The following GCA variants were observed in gnomAD, a reference collection of about 807,000 sequenced individuals.
The protein encoded by GCA is grancalcin.
GCA carries 30 observed loss-of-function variants against 32.6 expected under a neutral mutation model. That is an observed-to-expected ratio of 0.92 (90% CI 0.69 to 1.25). The LOEUF is 1.25. Among genes scored for constraint, GCA ranks in the 50% most tolerant of loss-of-function variants. GCA has a pLI of 0.00. For synonymous variants in GCA, 102 were observed against 84.6 expected, an observed-to-expected ratio of 1.21 and a Z score of -1.13; for missense variants, 291 against 266.8, an observed-to-expected ratio of 1.09 and a Z score of -0.63.
chr2:162,336,801 G>A (rs1284290190), intron 1 of GCA, among the ~76,000 whole-genome samples: 1 of 152,158 alleles, frequency 6.6e-6, no homozygotes, highest in African/African-American at 2.4e-5. Flanking sequence ...TTCATGGGTT[G>A]AAACTCTAAT....
chr2:162,342,855 A>G (rs1684496139), upstream of GCA, among the ~76,000 whole-genome samples: 1 of 152,224 alleles, frequency 6.6e-6, no homozygotes, highest in Non-Finnish European at 1.5e-5. Flanking sequence ...ATCATTTGAT[A>G]CCTTCATAAG....
In GCA at chr2:162,360,391, T is replaced by C. The variant is rs763315947; in HGVS notation, c.*148T>C. 21 of 1,341,466 alleles carry C rather than the reference T, an allele frequency of 1.6e-5. No homozygotes were observed. Among genetic ancestry groups the C allele is most frequent in the Non-Finnish European group, 1.9e-5 (20 of 1,034,684 alleles). 83.1% of individuals were successfully genotyped at this position (1,341,466 alleles called of 1,614,324 possible). A position where few individuals can be genotyped will look rare whatever the true frequency, so the allele number is the denominator to read the frequency against. On this transcript the variant is annotated 3_prime_UTR_variant, in exon 8 of 8. Transcript: ENST00000437150. Reference sequence around the variant, plus strand: ...TTCTGTGTGTTTTTATTTTAGCAGATAGTTCAAAGCAATAAAAGATTTCTT... The same window carrying C: ...TTCTGTGTGTTTTTATTTTAGCAGACAGTTCAAAGCAATAAAAGATTTCTT...
chr2:162,322,980 C>T (rs1340251447), intron 1 of GCA, among the ~76,000 whole-genome samples: 2 of 151,868 alleles, frequency 1.3e-5, no homozygotes, highest in Non-Finnish European at 2.9e-5. Flanking sequence ...GAGGAATCAC[C>T]ACACTGACTT....
chr2:162,358,052 C>T (rs1056391562), intron 5 of GCA, among the ~76,000 whole-genome samples: 28 of 151,532 alleles, frequency 1.8e-4, no homozygotes, highest in African/African-American at 6.5e-4. Context: ...ACCTTTCCCA[C>T]ATTACATTCT....
downstream of GCA, among the ~76,000 whole-genome samples, chr2:162,375,090 T>C (rs1261398508): frequency 1.3e-5 from 2 of 152,202 alleles, no homozygotes; most frequent in Non-Finnish European, 2.9e-5. Flanking sequence ...AAATCTTTCC[T>C]TATTTACCCC....
In GCA at chr2:162,344,135, G is replaced by A; in HGVS notation, c.-114G>A. ...CGGAGGAGTGAACTGTGCGGTTAGT[G>A]CGCCTTTCAGCCTCACCTGCAGCTG... On this transcript the variant is annotated 5_prime_UTR_variant, in exon 1 of 8. Transcript: ENST00000437150. The A allele has an allele frequency of 9.0e-7, 1 of 1,106,190 alleles. No homozygotes were observed. Among genetic ancestry groups the A allele is most frequent in the South Asian group, 1.3e-5 (1 of 75,034 alleles). The allele number at this position is 1,106,190 out of a possible 1,614,324, so 68.5% of individuals were successfully genotyped here.
chr2:162,325,429 C>T (rs1485605395), intron 1 of GCA, among the ~76,000 whole-genome samples: 1 of 152,108 alleles, frequency 6.6e-6, no homozygotes, highest in Non-Finnish European at 1.5e-5. Flanking sequence ...CAGGAGCTGA[C>T]TGAGTAATAA....
At position 162,323,092 on chromosome 2, in the gene GCA, T is replaced by C. The variant is rs1346936336; in HGVS notation, c.-31+3867T>C. ...CTGTTGTTTCCTGACTTTTTAATGATTGCCATTCTAACTGGTGTGAGATGG... is the reference window on the plus strand; with the variant it reads ...CTGTTGTTTCCTGACTTTTTAATGACTGCCATTCTAACTGGTGTGAGATGG... On this transcript the variant is annotated intron_variant, in intron 1 of 4. Transcript: ENST00000429691. Among the ~76,000 whole-genome samples, 4 of 151,938 alleles carry C rather than the reference T, an allele frequency of 2.6e-5. No homozygotes were observed. In the South Asian group the frequency reaches 8.3e-4, roughly 31 times the overall value.
intron 3 of GCA, among the ~76,000 whole-genome samples, chr2:162,353,125 A>T (rs2105331868): frequency 6.6e-6 from 1 of 152,204 alleles, no homozygotes; most frequent in African/African-American, 2.4e-5. Context: ...CTTTTAAAAA[A>T]TTCATTATCT....
At chr2:162,372,341 T>TA (rs1245146218), downstream of GCA, among the ~76,000 whole-genome samples, 4 of 152,176 alleles carry the variant, frequency 2.6e-5, no homozygotes, top group East Asian at 1.9e-4. Flanking sequence ...AAATCAGATT[T>TA]AAAAAAATAT....
chr2:162,328,055 C>A (rs753976479), intron 1 of GCA, among the ~76,000 whole-genome samples: 2 of 152,008 alleles, frequency 1.3e-5, no homozygotes, highest in Non-Finnish European at 2.9e-5. Context: ...ACTGTGGGAG[C>A]CCCTTTCTGG....
chr2:162,356,400 G>A (rs954674195), intron 3 of GCA, 38 bp from the exon 4 acceptor site: 9 of 1,168,550 alleles, frequency 7.7e-6, no homozygotes, highest in Non-Finnish European at 1.1e-5. Flanking sequence ...AGATAAAGTT[G>A]GGCATACTCT....
intron 1 of GCA, among the ~76,000 whole-genome samples, chr2:162,320,821 T>A (rs781109175): frequency 2.0e-5 from 3 of 152,190 alleles, no homozygotes; most frequent in Non-Finnish European, 4.4e-5. Context: ...AGATGGTAAG[T>A]AATGACTAAA....
At chr2:162,364,915 G>A (rs1447972076), downstream of GCA, among the ~76,000 whole-genome samples, 1 of 151,496 alleles carries the variant, frequency 6.6e-6, no homozygotes, top group Non-Finnish European at 1.5e-5. Context: ...CACTGTTGTG[G>A]TCTTAACAGG....
chr2:162,344,179 C>T lies in GCA; in HGVS notation c.-70C>T. 6.4e-7 allele frequency: 1 copy of T among 1,570,428 alleles called. No homozygotes were observed. The highest frequency in any genetic ancestry group is 8.8e-7 in the Non-Finnish European group (1 of 1,141,214). On this transcript the variant is annotated 5_prime_UTR_variant, in exon 1 of 8. Transcript: ENST00000437150. ...GCAGCTGCGCCTCCTTGCACCTGCG[C>T]CTGTGCTTTTTCTCCCAGCACTGCG...
chr2:162,356,499 T>C lies in GCA; in HGVS notation c.306+18T>C, dbSNP rs1685276498. On this transcript the variant is annotated intron_variant, in intron 4 of 7. Coordinates refer to ENST00000437150, the MANE Select transcript of GCA (RefSeq NM_012198.5). Reference sequence around the variant, plus strand: ...TGTTGGATGTATCCTTGAATAGAAATAGAAAATACTAGAATAAAGAGTAAT... The same window carrying C: ...TGTTGGATGTATCCTTGAATAGAAACAGAAAATACTAGAATAAAGAGTAAT... The C allele has an allele frequency of 6.9e-7, 1 of 1,441,056 alleles. No homozygotes were observed. The highest frequency in any genetic ancestry group is 9.8e-7 in the Non-Finnish European group (1 of 1,023,786). 89.3% of individuals were successfully genotyped at this position (1,441,056 alleles called of 1,614,324 possible).
At position 162,361,941 on chromosome 2, in the gene GCA, A is replaced by T. The variant is rs1685590046; in HGVS notation, c.*1698A>T. ...TTACTGAACTATTCTGCGGTCGATT[A>T]TGATTATCTCTCTTACTTGGAGGCT... On this transcript the variant is annotated 3_prime_UTR_variant, in exon 8 of 8. Coordinates refer to ENST00000437150, the MANE Select transcript of GCA (RefSeq NM_012198.5). 2 of 984,036 alleles carry T rather than the reference A, an allele frequency of 2.0e-6. No individual in the cohort carries two copies. Among genetic ancestry groups the T allele is most frequent in the Non-Finnish European group, 2.4e-6 (2 of 828,970 alleles). 61.0% of individuals were successfully genotyped at this position (984,036 alleles called of 1,614,324 possible).
Position 162,360,405 on chromosome 2 carries a change from A to C in GCA, c.*162A>C. ...ATTTTAGCAGATAGTTCAAAGCAAT[A>C]AAAGATTTCTTTTTTAATTTGAGGT... On this transcript the variant is annotated 3_prime_UTR_variant, in exon 8 of 8. Coordinates refer to ENST00000437150, the MANE Select transcript of GCA (RefSeq NM_012198.5). 1 of 1,272,010 alleles carries C rather than the reference A, an allele frequency of 7.9e-7. No individual in the cohort carries two copies. Among genetic ancestry groups the C allele is most frequent in the Non-Finnish European group, 1.0e-6 (1 of 986,904 alleles). 78.8% of individuals were successfully genotyped at this position (1,272,010 alleles called of 1,614,324 possible). A position where few individuals can be genotyped will look rare whatever the true frequency, so the allele number is the denominator to read the frequency against.
chr2:162,344,317 G>T (rs941247402), intron 1 of GCA, 42 bp downstream of exon 1: 1 of 1,603,690 alleles, frequency 6.2e-7, no homozygotes, highest in Non-Finnish European at 8.5e-7. Context: ...TCCTCGCGGG[G>T]TGTGGCGCCC....
Sources: allele counts gnomAD v4.1 joint callset (sites outside exome capture counted in the v4.1 genomes callset), GRCh38; gene constraint gnomAD v4.1.1; transcripts MANE v1.5; gene names NCBI Gene and HGNC (gene_info 2026-07-23, HGNC 2026-07-21).